The following CCDC69 variants were observed in gnomAD, a reference collection of about 807,000 sequenced individuals.
CCDC69 encodes coiled-coil domain containing 69, also known as coiled-coil domain-containing protein 69.
In CCDC69, 38 loss-of-function variants were observed where a neutral mutation model predicts 40.3. The ratio of observed to expected loss-of-function variants is 0.94; its 90% CI spans 0.73 to 1.24. CCDC69 has a LOEUF of 1.24. Among genes scored for constraint, CCDC69 ranks in the 50% most tolerant of loss-of-function variants. CCDC69 has a pLI of 0.00. For synonymous variants in CCDC69, 141 were observed against 138.9 expected, an observed-to-expected ratio of 1.02 and a Z score of -0.11; for missense variants, 389 against 357.9, an observed-to-expected ratio of 1.09 and a Z score of -0.70.
intron 1 of CCDC69, among the ~76,000 whole-genome samples, chr5:151,217,251 G>A (rs1404125432): frequency 6.6e-6 from 1 of 152,162 alleles, no homozygotes; most frequent in Non-Finnish European, 1.5e-5. Flanking sequence ...CCAGTCCAGT[G>A]CTCTTTCCTC....
At chr5:151,222,990 G>A (rs1319364810) in intron 1 of CCDC69, among the ~76,000 whole-genome samples, 2 of 152,332 alleles carry the variant, frequency 1.3e-5, no homozygotes, top group Middle Eastern at 3.4e-3. Context: ...GCCTCTCAAG[G>A]TCTCAAGGGG....
In CCDC69 at chr5:151,183,514, C is replaced by T. The variant is rs17851409; in HGVS notation, c.814G>A (p.Val272Ile). Residue 272 changes from valine to isoleucine, a missense_variant, in exon 9 of 9, where the codon GTC (valine) becomes ATC (isoleucine). Transcript: ENST00000355417. The part of the protein sequence containing the change: ...QQEKEELLYR[V>I]LGANASPAFP... ...GCAGGCGAGGCATTGGCCCCAAGGA[C>T]CCGGTACAACAGCTCCTCCTTCTCC... 5,171 of 1,608,992 alleles carry T rather than the reference C, an allele frequency of 3.2e-3. 128 individuals carry two copies. The African/African-American group carries it at 0.058, about 18-fold the overall frequency.
At chr5:151,216,460 C>T (rs917753647) in intron 1 of CCDC69, among the ~76,000 whole-genome samples, 4 of 134,410 alleles carry the variant, frequency 3.0e-5, no homozygotes, top group African/African-American at 5.8e-5. Context: ...TCACCTAGAG[C>T]GAGTGGTGTG....
chr5:151,207,287 G>GATTATT (rs1344007818), intron 1 of CCDC69, among the ~76,000 whole-genome samples: 1 of 150,654 alleles, frequency 6.6e-6, no homozygotes, highest in African/African-American at 2.4e-5. Flanking sequence ...ACTATTTGTA[G>GATTATT]ATTATTATTA....
chr5:151,207,946 A>G (rs1752876057), intron 1 of CCDC69, among the ~76,000 whole-genome samples: 1 of 152,188 alleles, frequency 6.6e-6, no homozygotes, highest in African/African-American at 2.4e-5. Context: ...CAATTTTAAG[A>G]AACACTTTAA....
At chr5:151,195,886 A>C (rs1752693460) in intron 4 of CCDC69, among the ~76,000 whole-genome samples, 1 of 152,190 alleles carries the variant, frequency 6.6e-6, no homozygotes, top group South Asian at 2.1e-4. Context: ...AAGATTCTTA[A>C]AATCATTCAG....
Position 151,199,092 on chromosome 5 carries a change from C to T in CCDC69, c.232-8G>A. ...CTCCCTTTCCTTCTCCACCTGGGGG[C>T]AGAGAGTCCCGGGCAGGACTGAGAT... On this transcript the variant is annotated splice_region_variant and splice_polypyrimidine_tract_variant and intron_variant, in intron 3 of 8. Coordinates refer to ENST00000355417, the MANE Select transcript of CCDC69 (RefSeq NM_015621.3). 1 of 1,611,112 alleles carries T rather than the reference C, an allele frequency of 6.2e-7. No individual in the cohort carries two copies. The highest frequency in any genetic ancestry group is 8.5e-7 in the Non-Finnish European group (1 of 1,177,740).
chr5:151,190,224 T>G (rs933996685), intron 4 of CCDC69, among the ~76,000 whole-genome samples: 8 of 152,172 alleles, frequency 5.3e-5, no homozygotes, highest in African/African-American at 1.9e-4. Context: ...AAAATATGAT[T>G]GATGATTAAA....
intron 4 of CCDC69, among the ~76,000 whole-genome samples, chr5:151,195,135 T>C (rs1752679574): frequency 6.6e-6 from 1 of 152,214 alleles, no homozygotes. Flanking sequence ...TAGACTTATG[T>C]AGCACTTAGT....
Position 151,205,435 on chromosome 5 carries a change from T to C in CCDC69, c.89A>G (p.Glu30Gly). The change falls in exon 2 of 9, where the codon GAG becomes GGG. Residue 30 changes from glutamate to glycine, a missense_variant. Glu to Gly is a moderately conservative substitution (Grantham distance 98, BLOSUM62 -2). Transcript: ENST00000355417. ...EPEPEQPPRP[E>G]PHELGPLNGD... ...ATTGAGGGGACCTAATTCATGGGGC[T>C]CTGGTCTGGGTGGCTGTTCTGGTTC... The C allele has an allele frequency of 6.2e-7, 1 of 1,614,142 alleles. No individual in the cohort carries two copies. Among genetic ancestry groups the C allele is most frequent in the Non-Finnish European group, 8.5e-7 (1 of 1,180,012 alleles).
At chr5:151,205,323 G>C in intron 2 of CCDC69, 77 bp downstream of exon 2, 1 of 1,114,680 alleles carries the variant, frequency 9.0e-7, no homozygotes, top group South Asian at 1.3e-5. Context: ...TATTTCAGCA[G>C]CTGTATCATC....
At chr5:151,185,369 C>A (rs1752480061) in intron 7 of CCDC69, 53 bp downstream of exon 7, 4 of 1,602,868 alleles carry the variant, frequency 2.5e-6, no homozygotes, top group Middle Eastern at 1.7e-4. Context: ...AAAGGAAACA[C>A]CCAGAAAGCG....
rs1192301156 is a variant in CCDC69, at chr5:151,182,876, G to A, written c.*561C>T. On this transcript the variant is annotated 3_prime_UTR_variant, in exon 9 of 9. Coordinates refer to ENST00000355417, the MANE Select transcript of CCDC69 (RefSeq NM_015621.3). ...ACTCACCTTCCCCACTCTGATTTGC[G>A]GGGTTTGTCCACACTCCCCCCAACC... The A allele has an allele frequency of 2.8e-5, 10 of 360,448 alleles. No individual in the cohort carries two copies. The highest frequency in any genetic ancestry group is 3.5e-5 in the Admixed American group (1 of 28,418). The allele number at this position is 360,448 out of a possible 1,614,324, so 22.3% of individuals were successfully genotyped here.
chr5:151,206,920 G>A (rs888013682), intron 1 of CCDC69, among the ~76,000 whole-genome samples: 4 of 148,276 alleles, frequency 2.7e-5, no homozygotes, highest in Non-Finnish European at 6.0e-5. Context: ...GTGAGCCACC[G>A]CACTCGACCT....
At chr5:151,198,304 A>G (rs1257636876) in intron 4 of CCDC69, among the ~76,000 whole-genome samples, 1 of 143,876 alleles carries the variant, frequency 7.0e-6, no homozygotes, top group Non-Finnish European at 1.5e-5. Flanking sequence ...CTATCTATCT[A>G]TCTATCTATC....
rs181784600 is a variant in CCDC69 at position 151,185,011 on chromosome 5, A to C, written c.615+411T>G. On this transcript the variant is annotated intron_variant, in intron 7 of 8. Transcript: ENST00000355417. ...AAACATTCTCATGTGGCAAAATTAA[A>C]AGTCAGCAGCTTTTTGTTAACTCCT... 1.9e-5 allele frequency: 3 copies of C among 155,468 alleles called. No individual in the cohort carries two copies. In the East Asian group the frequency reaches 5.7e-4, roughly 30 times the overall value. 9.6% of individuals were successfully genotyped at this position (155,468 alleles called of 1,614,324 possible).
intron 4 of CCDC69, among the ~76,000 whole-genome samples, chr5:151,194,088 A>T (rs1407154211): frequency 6.6e-6 from 1 of 152,270 alleles, no homozygotes; most frequent in Non-Finnish European, 1.5e-5. Flanking sequence ...TAGCAACGGT[A>T]TAACTCATAC....
intron 8 of CCDC69, 133 bp from the exon 9 acceptor site, chr5:151,183,747 C>T: frequency 1.3e-6 from 1 of 751,552 alleles, no homozygotes. Context: ...CCTTGTTGGC[C>T]TGTATACAAG....
chr5:151,214,516 A>G (rs1266178804), intron 1 of CCDC69, among the ~76,000 whole-genome samples: 1 of 152,224 alleles, frequency 6.6e-6, no homozygotes, highest in East Asian at 1.9e-4. Context: ...TAATGCCTGA[A>G]TTTGATGTCA....
Sources: gnomAD v4.1 joint callset for allele counts (sites outside exome capture counted in the v4.1 genomes callset) on GRCh38, gnomAD v4.1.1 for gene constraint, MANE v1.5 for transcripts, NCBI Gene and HGNC (gene_info 2026-07-23, HGNC 2026-07-21) for gene names.